The following TENM4 variants were observed in gnomAD, a reference collection of about 807,000 sequenced individuals.
The protein encoded by TENM4 is teneurin transmembrane protein 4, also known as teneurin-4.
In TENM4, 82 loss-of-function variants were observed where a neutral mutation model predicts 243.3. The ratio of observed to expected loss-of-function variants is 0.34; its 90% CI spans 0.28 to 0.40. The LOEUF (loss-of-function observed/expected upper bound fraction) is 0.40, where lower values mean the gene tolerates loss of function less well. Among genes scored for constraint, TENM4 ranks in the 10% least tolerant of loss-of-function variants. TENM4 has a pLI of 1.00. For missense variants in TENM4, 3,138 were observed against 3,673.3 expected, an observed-to-expected ratio of 0.85 and a Z score of 3.77; for synonymous variants, 1,412 against 1,456.3, an observed-to-expected ratio of 0.97 and a Z score of 0.69.
At chr11:79,355,632 G>C (rs1342838742) in intron 1 of TENM4, among the ~76,000 whole-genome samples, 6 of 152,198 alleles carry the variant, frequency 3.9e-5, no homozygotes, top group Non-Finnish European at 8.8e-5. Context: ...TATACAAACT[G>C]TTCACTGGAA....
At chr11:79,136,407 A>G (rs1316970586) in intron 4 of TENM4, among the ~76,000 whole-genome samples, 2 of 152,150 alleles carry the variant, frequency 1.3e-5, no homozygotes, top group African/African-American at 2.4e-5. Flanking sequence ...GGGCCCATGA[A>G]CAATGTGGCC....
intron 1 of TENM4, among the ~76,000 whole-genome samples, chr11:79,405,525 T>G (rs1196627984): frequency 6.6e-6 from 1 of 152,084 alleles, no homozygotes; most frequent in African/African-American, 2.4e-5. Context: ...ATAATCACTT[T>G]AGCTAGAAAT....
intron 6 of TENM4, among the ~76,000 whole-genome samples, chr11:79,020,519 G>A (rs1858898784): frequency 6.6e-6 from 1 of 152,026 alleles, no homozygotes; most frequent in Non-Finnish European, 1.5e-5. Context: ...TTAAATATCA[G>A]CCAAGCATGA....
At chr11:78,750,221 A>G (rs1590991960) in intron 19 of TENM4, among the ~76,000 whole-genome samples, 1 of 152,348 alleles carries the variant, frequency 6.6e-6, no homozygotes, top group Non-Finnish European at 1.5e-5. Context: ...TAACTGAAAT[A>G]AGTTTCATGA....
At chr11:79,139,722 ATATATAT>A (rs1172787062) in intron 4 of TENM4, among the ~76,000 whole-genome samples, 1 of 54,694 alleles carries the variant, frequency 1.8e-5, no homozygotes, top group East Asian at 3.0e-4. Context: ...AGTATATAAA[ATATATAT>A]TATATTTATA....
At chr11:78,956,815 T>C (rs567088505) in intron 6 of TENM4, among the ~76,000 whole-genome samples, 3 of 152,346 alleles carry the variant, frequency 2.0e-5, no homozygotes, top group Admixed American at 2.0e-4. Flanking sequence ...CCCATGAGTA[T>C]AAGTATTCAT....
At chr11:78,863,287 G>A (rs1411643850) in intron 9 of TENM4, among the ~76,000 whole-genome samples, 155 bp from the exon 10 acceptor site, 1 of 152,240 alleles carries the variant, frequency 6.6e-6, no homozygotes, top group African/African-American at 2.4e-5. Context: ...TGCCAGCCCT[G>A]CAAAGGAGAC....
At chr11:79,429,657 T>A (rs531013493) in intron 1 of TENM4, among the ~76,000 whole-genome samples, 1 of 152,340 alleles carries the variant, frequency 6.6e-6, no homozygotes, top group South Asian at 2.1e-4. Flanking sequence ...CCAAAACCTG[T>A]TGGCATTTTT....
chr11:79,439,576 C>T (rs541759181), intron 1 of TENM4, among the ~76,000 whole-genome samples: 40 of 151,238 alleles, frequency 2.6e-4, no homozygotes, highest in African/African-American at 9.7e-4. Flanking sequence ...ACTCGCCCGA[C>T]CCCCCCGCCA....
Position 78,658,105 on chromosome 11 carries a change from C to A in TENM4, c.8263G>T (p.Ala2755Ser). ...VEQYPELSDS[A>S]NNIHFMRQSE... ...TGTCTCATGAAGTGGATGTTGTTGG[C>A]GCTGTCTGACAGTTCTGGGTACTGC... The change falls in exon 34 of 34, where the codon GCC (alanine) becomes TCC (serine). Residue 2755 changes from alanine to serine, a missense_variant. Transcript: ENST00000278550. The A allele has an allele frequency of 6.2e-7, 1 of 1,614,010 alleles. No homozygotes were observed. The highest frequency in any genetic ancestry group is 8.5e-7 in the Non-Finnish European group (1 of 1,179,902).
At chr11:79,131,277 C>T (rs1266321717) in intron 4 of TENM4, among the ~76,000 whole-genome samples, 2 of 152,164 alleles carry the variant, frequency 1.3e-5, no homozygotes, top group African/African-American at 4.8e-5. Context: ...AGCTGTGAGA[C>T]AGAAACACGA....
intron 12 of TENM4, among the ~76,000 whole-genome samples, chr11:78,834,017 C>G (rs1858041966): frequency 6.6e-6 from 1 of 152,150 alleles, no homozygotes; most frequent in African/African-American, 2.4e-5. Context: ...ATCCGTCAGC[C>G]CATGTCCCTC....
At chr11:78,817,950 G>A (rs1857644202) in intron 12 of TENM4, among the ~76,000 whole-genome samples, 1 of 152,038 alleles carries the variant, frequency 6.6e-6, no homozygotes, top group Non-Finnish European at 1.5e-5. Flanking sequence ...ATCTTACACA[G>A]GCTAAGTTAC....
At chr11:79,322,361 T>G (rs1265347786) in intron 1 of TENM4, among the ~76,000 whole-genome samples, 1 of 152,210 alleles carries the variant, frequency 6.6e-6, no homozygotes, top group East Asian at 1.9e-4. Flanking sequence ...AAATTCTTAA[T>G]TTTTGAAAAT....
chr11:78,774,958 G>A (rs1431966192), intron 17 of TENM4, among the ~76,000 whole-genome samples: 4 of 152,114 alleles, frequency 2.6e-5, no homozygotes, highest in Non-Finnish European at 5.9e-5. Context: ...GTTTAAAATA[G>A]GTCTTATAAT....
At chr11:78,738,676 C>T (rs553504715) in intron 19 of TENM4, 106 bp from the exon 20 acceptor site, 2 of 1,195,754 alleles carry the variant, frequency 1.7e-6, no homozygotes, top group African/African-American at 3.1e-5. Flanking sequence ...GTCACTCAGA[C>T]ACATCTTGTA....
At chr11:79,146,845 G>A (rs1344598694) in intron 4 of TENM4, among the ~76,000 whole-genome samples, 1 of 152,062 alleles carries the variant, frequency 6.6e-6, no homozygotes, top group Admixed American at 6.6e-5. Flanking sequence ...TAACTTGTAA[G>A]TTATAGAGCT....
rs115237282 is a variant in TENM4 at position 78,820,413 on chromosome 11, C to G, written c.1682-6018G>C. Among the ~76,000 whole-genome samples the G allele has an allele frequency of 5.3e-3, 813 of 152,232 alleles. 8 individuals are homozygous for G. Among genetic ancestry groups the G allele is most frequent in the African/African-American group, 0.019 (772 of 41,546 alleles). On this transcript the variant is annotated intron_variant, in intron 12 of 33. Coordinates refer to ENST00000278550, the MANE Select transcript of TENM4 (RefSeq NM_001098816.3). Reference sequence around the variant, plus strand: ...TGGACCAGAGTATGGGCTCTGGAACCCTTACTAGCTAGATGCCTTTGGACA... The same window carrying G: ...TGGACCAGAGTATGGGCTCTGGAACGCTTACTAGCTAGATGCCTTTGGACA...
In TENM4 at chr11:79,123,968, T is replaced by G. The variant is rs138719907; in HGVS notation, c.-66+24742A>C. Among the ~76,000 whole-genome samples the G allele has an allele frequency of 8.5e-3, 1,294 of 152,306 alleles. 16 individuals carry two copies. The highest frequency in any genetic ancestry group is 0.03 in the African/African-American group (1,255 of 41,548). On this transcript the variant is annotated intron_variant, in intron 4 of 33. Transcript: ENST00000278550. ...AACAGGGAAAACTTTCTTTTTCTTC[T>G]TCTTCTTTTTTTAAACCCATTTTAT...
Sources: allele counts gnomAD v4.1 joint callset (sites outside exome capture counted in the v4.1 genomes callset), GRCh38; gene constraint gnomAD v4.1.1; transcripts MANE v1.5; gene names NCBI Gene and HGNC (gene_info 2026-07-23, HGNC 2026-07-21).